The following SGSM1 variants were observed in gnomAD, a reference collection of about 807,000 sequenced individuals.
SGSM1 encodes the protein small G protein signaling modulator 1.
SGSM1 carries 73 observed loss-of-function variants against 133.8 expected under a neutral mutation model. The ratio of observed to expected loss-of-function variants is 0.55; its 90% CI spans 0.45 to 0.66. The LOEUF (loss-of-function observed/expected upper bound fraction) is 0.66, where lower values mean the gene tolerates loss of function less well. Among genes scored for constraint, SGSM1 ranks in the 30% least tolerant of loss-of-function variants. The pLI, the probability that SGSM1 is intolerant of heterozygous loss-of-function variation, is 0.00. For missense variants in SGSM1, 1,213 were observed against 1,448.1 expected (o/e 0.84, Z 2.64); for synonymous variants, 563 against 573.0 (o/e 0.98, Z 0.25).
At chr22:24,847,865 GA>G in intron 4 of SGSM1, 69 bp downstream of exon 4, 1 of 1,549,532 alleles carries the variant, frequency 6.5e-7, no homozygotes, top group Non-Finnish European at 8.7e-7. Flanking sequence ...CCTGGGTCCT[GA>G]GAGAGCCTGC....
intron 5 of SGSM1, among the ~76,000 whole-genome samples, chr22:24,851,449 G>GGGA (rs1555925285): frequency 8.0e-5 from 9 of 112,822 alleles, no homozygotes; most frequent in Admixed American, 2.1e-4. Flanking sequence ...GGGGGTGGGG[G>GGGA]GAGAGAGAGA....
chr22:24,808,879 C>G (rs1484786127), intron 2 of SGSM1, among the ~76,000 whole-genome samples: 3 of 152,154 alleles, frequency 2.0e-5, no homozygotes, highest in African/African-American at 7.2e-5. Flanking sequence ...GACTTACCCC[C>G]CAGGTCTTTT....
chr22:24,823,769 G>A (rs1442907946), intron 2 of SGSM1, among the ~76,000 whole-genome samples: 7 of 151,854 alleles, frequency 4.6e-5, no homozygotes, highest in Non-Finnish European at 1.0e-4. Flanking sequence ...AATTAACCAG[G>A]CAAGGTGGTG....
At chr22:24,827,887 A>T (rs1332097790) in intron 2 of SGSM1, among the ~76,000 whole-genome samples, 1 of 151,878 alleles carries the variant, frequency 6.6e-6, no homozygotes. Context: ...CCTGTCCTTT[A>T]TGCTAATTTG....
intron 9 of SGSM1, 32 bp downstream of exon 9, chr22:24,859,872 G>C (rs1233215046): frequency 6.2e-7 from 1 of 1,611,806 alleles, no homozygotes; most frequent in Admixed American, 1.7e-5. Flanking sequence ...GTATCCCTTG[G>C]GTCCCTCCAC....
intron 16 of SGSM1, among the ~76,000 whole-genome samples, chr22:24,890,855 G>T (rs1035857803): frequency 6.6e-6 from 1 of 151,996 alleles, no homozygotes; most frequent in Non-Finnish European, 1.5e-5. Flanking sequence ...AAATCTGGTG[G>T]TATTTTACAC....
intron 2 of SGSM1, among the ~76,000 whole-genome samples, chr22:24,807,062 G>A (rs1465561075): frequency 6.9e-6 from 1 of 143,956 alleles, no homozygotes; most frequent in Non-Finnish European, 1.5e-5. Flanking sequence ...CACTCCCCCC[G>A]CCCCACTCCC....
rs118133809 is a variant in SGSM1, at chr22:24,832,749, T to G, written c.64-12148T>G. Among the ~76,000 whole-genome samples, 639 of 152,258 alleles carry G rather than the reference T, an allele frequency of 4.2e-3. 3 individuals carry two copies. The highest frequency in any genetic ancestry group is 0.024 in the South Asian group (114 of 4,816). On this transcript the variant is annotated intron_variant, in intron 2 of 24. Transcript: ENST00000400358. ...CCTTACGGTACACAGAATGGGCAGC[T>G]TGAATGACATAAACTGATTTTCTCA... is the stretch of plus-strand genomic sequence containing the variant.
chr22:24,872,843 C>G (rs916063219), intron 12 of SGSM1, among the ~76,000 whole-genome samples: 1 of 151,858 alleles, frequency 6.6e-6, no homozygotes, highest in South Asian at 2.1e-4. Flanking sequence ...TGCTTGAACC[C>G]GGGAAGCGGA....
intron 14 of SGSM1, among the ~76,000 whole-genome samples, chr22:24,881,608 A>G (rs1932336324): frequency 6.6e-6 from 1 of 151,290 alleles, no homozygotes; most frequent in South Asian, 2.1e-4. Flanking sequence ...AACCAGCAAC[A>G]ACAACAAAAA....
At chr22:24,829,922 G>C (rs1261445374) in intron 2 of SGSM1, among the ~76,000 whole-genome samples, 2 of 152,190 alleles carry the variant, frequency 1.3e-5, no homozygotes, top group Non-Finnish European at 2.9e-5. Context: ...TTTCAAAGTG[G>C]ATCAAGCCCA....
At chr22:24,820,368 T>C (rs1928396185) in intron 2 of SGSM1, among the ~76,000 whole-genome samples, 1 of 152,156 alleles carries the variant, frequency 6.6e-6, no homozygotes, top group Admixed American at 6.5e-5. Context: ...GCCCTCACAC[T>C]GTCACAGGAC....
intron 2 of SGSM1, among the ~76,000 whole-genome samples, chr22:24,808,007 G>C (rs937089848): frequency 1.2e-4 from 18 of 151,972 alleles, no homozygotes; most frequent in African/African-American, 4.4e-4. Context: ...AAAATACATT[G>C]GATCCCTCAG....
chr22:24,871,470 T>G (rs1176042077), intron 12 of SGSM1, among the ~76,000 whole-genome samples: 4 of 152,124 alleles, frequency 2.6e-5, no homozygotes, highest in Non-Finnish European at 5.9e-5. Flanking sequence ...GTAGGTATCG[T>G]GTCTTGAGTG....
chr22:24,912,679 A>C lies in SGSM1; in HGVS notation c.2855A>C (p.Lys952Thr), dbSNP rs1272775474. Residue 952 changes from lysine (K) to threonine (T), a missense_variant, in exon 22 of 25, where the codon AAG becomes ACG. Transcript: ENST00000400358. ...LAFSCFTELM[K>T]RMNQNFPHGG... ...TTCAGCTGCTTCACGGAGCTCATGA[A>C]GAGGATGAACCAGAACTTCCCCCAC... 1.2e-6 allele frequency: 2 copies of C among 1,613,694 alleles called. No individual in the cohort carries two copies. Among genetic ancestry groups the C allele is most frequent in the Non-Finnish European group, 1.7e-6 (2 of 1,179,908 alleles).
At chr22:24,895,353 G>A (rs759053739) in intron 18 of SGSM1, 62 bp downstream of exon 18, 1 of 1,529,400 alleles carries the variant, frequency 6.5e-7, no homozygotes, top group Non-Finnish European at 8.9e-7. Context: ...TGGGGTCATG[G>A]GGGTTGGGTG....
chr22:24,893,706 CTG>C, intron 17 of SGSM1, 93 bp downstream of exon 17: 6 of 1,325,174 alleles, frequency 4.5e-6, no homozygotes, highest in Non-Finnish European at 5.9e-6. Context: ...GACTGGGTGT[CTG>C]GGGCCTGGTG....
intron 16 of SGSM1, among the ~76,000 whole-genome samples, chr22:24,888,499 G>A (rs1474468077): frequency 1.3e-5 from 2 of 152,166 alleles, no homozygotes; most frequent in Non-Finnish European, 2.9e-5. Flanking sequence ...CGGGCACGGT[G>A]GCTCACGTCT....
chr22:24,852,475 A>G (rs1198649171), intron 5 of SGSM1, among the ~76,000 whole-genome samples: 1 of 151,984 alleles, frequency 6.6e-6, no homozygotes, highest in Non-Finnish European at 1.5e-5. Context: ...ATGGAGTCTC[A>G]CTCTGTTGCC....
Sources: allele counts gnomAD v4.1 joint callset (sites outside exome capture counted in the v4.1 genomes callset), GRCh38; gene constraint gnomAD v4.1.1; transcripts MANE v1.5; gene names NCBI Gene and HGNC (gene_info 2026-07-23, HGNC 2026-07-21).